Variants in RIN3 observed in about 807,000 individuals in gnomAD.
The protein encoded by RIN3 is Ras and Rab interactor 3.
A neutral mutation model predicts 76.3 loss-of-function variants in RIN3; 54 were observed. The ratio of observed to expected loss-of-function variants is 0.71; its 90% CI spans 0.57 to 0.89. RIN3 has a LOEUF of 0.89. RIN3 is among the 40% of genes least tolerant of loss of function. The pLI, the probability that RIN3 is intolerant of heterozygous loss-of-function variation, is 0.00. For missense variants in RIN3, 1,256 were observed against 1,322.1 expected (o/e 0.95, Z 0.78); for synonymous variants, 576 against 564.0 (o/e 1.02, Z -0.30).
intron 1 of RIN3, among the ~76,000 whole-genome samples, chr14:92,547,538 G>T (rs117324075): frequency 0.023 from 3,448 of 151,384 alleles, 48 homozygotes; most frequent in Non-Finnish European, 0.032. Context: ...GGGACCATAG[G>T]TGCACACCAC....
chr14:92,551,238 C>A (rs1350146747), intron 1 of RIN3, among the ~76,000 whole-genome samples: 3 of 152,192 alleles, frequency 2.0e-5, no homozygotes, highest in African/African-American at 7.2e-5. Flanking sequence ...GCTTCCTTGA[C>A]TCAGCATAAT....
In RIN3 at chr14:92,688,612, C is replaced by A. The variant is rs931005392; in HGVS notation, c.*360C>A. ...CCCCCACACCCACCCCATCCTCGGT[C>A]TTTGCAAAGAAGGGCCCGAGCTTAG... is the stretch of plus-strand genomic sequence containing the variant. On this transcript the variant is annotated 3_prime_UTR_variant, in exon 10 of 10. Transcript: ENST00000216487. 5.9e-5 allele frequency: 17 copies of A among 287,544 alleles called. No homozygotes were observed. The highest frequency in any genetic ancestry group is 7.9e-5 in the Non-Finnish European group (12 of 152,848). The allele number at this position is 287,544 out of a possible 1,614,324, so 17.8% of individuals were successfully genotyped here.
At chr14:92,600,713 A>G (rs1213299345) in intron 3 of RIN3, among the ~76,000 whole-genome samples, 1 of 152,162 alleles carries the variant, frequency 6.6e-6, no homozygotes, top group Non-Finnish European at 1.5e-5. Context: ...CGGTTCACTC[A>G]AGGAGCACAA....
At chr14:92,571,023 A>G (rs570480641) in intron 2 of RIN3, among the ~76,000 whole-genome samples, 1 of 152,346 alleles carries the variant, frequency 6.6e-6, no homozygotes, top group Admixed American at 6.5e-5. Context: ...GGAGGTGTAA[A>G]CAGACTGTAA....
intron 2 of RIN3, among the ~76,000 whole-genome samples, chr14:92,560,798 C>T (rs1897740752): frequency 6.6e-6 from 1 of 151,668 alleles, no homozygotes; most frequent in Non-Finnish European, 1.5e-5. Context: ...GCGGGTGGAT[C>T]ACCTGAGGTC....
chr14:92,635,041 G>T (rs996473113), intron 4 of RIN3, among the ~76,000 whole-genome samples: 1 of 152,116 alleles, frequency 6.6e-6, no homozygotes, highest in South Asian at 2.1e-4. Flanking sequence ...GTTCCCTTTG[G>T]TTTTTTGTTG....
At chr14:92,592,424 G>T (rs912498354) in intron 3 of RIN3, among the ~76,000 whole-genome samples, 1 of 148,900 alleles carries the variant, frequency 6.7e-6, no homozygotes, top group African/African-American at 2.5e-5. Flanking sequence ...AAAAGGTACA[G>T]TTGTTCCTTG....
At chr14:92,531,656 T>C (rs1348566364) in intron 1 of RIN3, among the ~76,000 whole-genome samples, 1 of 152,154 alleles carries the variant, frequency 6.6e-6, no homozygotes, top group Non-Finnish European at 1.5e-5. Context: ...GGTTGCAGGG[T>C]GACTCAGTGT....
chr14:92,615,705 G>C, intron 4 of RIN3: 1 of 541,854 alleles, frequency 1.8e-6, no homozygotes. Flanking sequence ...CTGCCCCTCT[G>C]GCTCACGGCC....
chr14:92,624,393 T>C (rs200236426), intron 4 of RIN3, among the ~76,000 whole-genome samples: 2 of 152,158 alleles, frequency 1.3e-5, no homozygotes, highest in African/African-American at 4.8e-5. Flanking sequence ...AGAGTTGGGA[T>C]GGTGATGGAA....
At chr14:92,556,087 C>A in intron 2 of RIN3, 132 bp downstream of exon 2, 1 of 767,282 alleles carries the variant, frequency 1.3e-6, no homozygotes, top group Non-Finnish European at 2.1e-6. Flanking sequence ...CCCTTTCCTA[C>A]ATTTGTCAGC....
Position 92,661,756 on chromosome 14 carries a change from C to CAAAA in RIN3, c.2335+2288_2335+2289insAAAA, listed in dbSNP as rs1195736886. Among the ~76,000 whole-genome samples, 1,050 of 118,724 alleles carry CAAAA rather than the reference C, an allele frequency of 8.8e-3. 13 individuals carry two copies. The highest frequency in any genetic ancestry group is 0.022 in the African/African-American group (801 of 36,868). 77.9% of individuals were successfully genotyped at this position (118,724 alleles called of 152,430 possible). On this transcript the variant is annotated intron_variant, in intron 7 of 9. Transcript: ENST00000216487. ...ACACACACACACACACACACACACACACAAAAAATAGAATTGTGCTCCCCA... is the reference window on the plus strand; with the variant it reads ...ACACACACACACACACACACACACACAAAAACAAAAAATAGAATTGTGCTCCCCA...
chr14:92,562,379 G>A (rs1897801794), intron 2 of RIN3, among the ~76,000 whole-genome samples: 1 of 152,220 alleles, frequency 6.6e-6, no homozygotes, highest in Admixed American at 6.5e-5. Flanking sequence ...CTTTTTGGAA[G>A]GCAGTCGGTG....
At chr14:92,549,068 G>A (rs1291151097) in intron 1 of RIN3, among the ~76,000 whole-genome samples, 1 of 152,114 alleles carries the variant, frequency 6.6e-6, no homozygotes, top group Non-Finnish European at 1.5e-5. Flanking sequence ...TGTCTGGAGG[G>A]ACTGTGCCAT....
chr14:92,569,054 C>T (rs994685208), intron 2 of RIN3, among the ~76,000 whole-genome samples: 5 of 152,236 alleles, frequency 3.3e-5, no homozygotes, highest in Non-Finnish European at 5.9e-5. Flanking sequence ...AGTGTGCACA[C>T]GCCAGCTGCC....
chr14:92,609,120 T>C (rs1173921905), intron 3 of RIN3, among the ~76,000 whole-genome samples: 1 of 152,184 alleles, frequency 6.6e-6, no homozygotes, highest in East Asian at 1.9e-4. Context: ...CTCCCACTTA[T>C]AAGTAAGAAC....
At chr14:92,558,831 G>A (rs1250390544) in intron 2 of RIN3, among the ~76,000 whole-genome samples, 1 of 152,066 alleles carries the variant, frequency 6.6e-6, no homozygotes, top group African/African-American at 2.4e-5. Context: ...TGTGGGGTGT[G>A]AGGAGGATGC....
intron 4 of RIN3, among the ~76,000 whole-genome samples, chr14:92,632,537 T>C (rs1473076638): frequency 6.6e-6 from 1 of 152,124 alleles, no homozygotes; most frequent in Non-Finnish European, 1.5e-5. Context: ...CTTATTGCTG[T>C]TATAGATAAA....
chr14:92,528,590 G>GATC (rs1039448597), intron 1 of RIN3, among the ~76,000 whole-genome samples: 12 of 152,308 alleles, frequency 7.9e-5, no homozygotes, highest in African/African-American at 2.4e-4. Flanking sequence ...TGGGGGTGTG[G>GATC]ACGGCATGAT....
Sources: gnomAD v4.1 joint callset for allele counts (sites outside exome capture counted in the v4.1 genomes callset) on GRCh38, gnomAD v4.1.1 for gene constraint, MANE v1.5 for transcripts, NCBI Gene and HGNC (gene_info 2026-07-23, HGNC 2026-07-21) for gene names.